SRRM4: variants seen among roughly 807,000 people sequenced by gnomAD.
The protein encoded by SRRM4 is serine/arginine repetitive matrix protein 4.
In SRRM4, 33 loss-of-function variants were observed where a neutral mutation model predicts 68.9. That is an observed-to-expected ratio of 0.48 (90% confidence interval 0.36 to 0.64). The LOEUF (loss-of-function observed/expected upper bound fraction) is 0.64. Ranked by LOEUF, SRRM4 falls within the 30% of genes least tolerant of loss-of-function variation. SRRM4 has a pLI of 0.00. For missense variants in SRRM4, 817 were observed against 827.1 expected, an observed-to-expected ratio of 0.99 and a Z score of 0.15; for synonymous variants, 318 against 318.8, an observed-to-expected ratio of 1.00 and a Z score of 0.03.
In SRRM4 at chr12:119,160,841, A is replaced by T. The variant is rs1032944817; in HGVS notation, c.*4043A>T. On this transcript the variant is annotated 3_prime_UTR_variant, in exon 13 of 13. Coordinates refer to ENST00000267260, the MANE Select transcript of SRRM4 (RefSeq NM_194286.4). ...AAGTAAAAACGAAAAGCAAGATTTG[A>T]TCTCCCTTCAGTTAATTAGGCAAGG... is the stretch of plus-strand genomic sequence containing the variant. The T allele has an allele frequency of 1.3e-5, 2 of 152,202 alleles. No homozygotes were observed. Among genetic ancestry groups the T allele is most frequent in the Non-Finnish European group, 2.9e-5 (2 of 68,044 alleles). 9.4% of individuals were successfully genotyped at this position (152,202 alleles called of 1,614,324 possible).
chr12:119,120,469 C>T (rs1356445423), intron 5 of SRRM4, among the ~76,000 whole-genome samples, 193 bp downstream of exon 5: 1 of 152,120 alleles, frequency 6.6e-6, no homozygotes, highest in African/African-American at 2.4e-5. Context: ...TTTTGACTTC[C>T]ATCAGGCCAG....
intron 1 of SRRM4, among the ~76,000 whole-genome samples, chr12:119,087,332 A>T (rs983616411): frequency 6.6e-6 from 1 of 152,204 alleles, no homozygotes; most frequent in Non-Finnish European, 1.5e-5. Flanking sequence ...CATAAAATCC[A>T]ACCATAGAGA....
In SRRM4 at chr12:119,160,289, G is replaced by GTCTCTCTCTCTCTCTCTCTCTC. The variant is rs55907957; in HGVS notation, c.*3504_*3525dup. ...TGTCTCTCTCTCTGTCTCTCTCTCT[G>GTCTCTCTCTCTCTCTCTCTCTC]TCTCTCTCTCTCTCTCTCTCTCTCT... On this transcript the variant is annotated 3_prime_UTR_variant, in exon 13 of 13. Transcript: ENST00000267260. The GTCTCTCTCTCTCTCTCTCTCTC allele has an allele frequency of 7.0e-6, 1 of 143,158 alleles. No individual in the cohort carries two copies. The highest frequency in any genetic ancestry group is 1.5e-5 in the Non-Finnish European group (1 of 65,334). 8.9% of individuals were successfully genotyped at this position (143,158 alleles called of 1,614,324 possible). A position where few individuals can be genotyped will look rare whatever the true frequency, so the allele number is the denominator to read the frequency against.
At chr12:119,082,406 G>C (rs910749804) in intron 1 of SRRM4, among the ~76,000 whole-genome samples, 7 of 152,196 alleles carry the variant, frequency 4.6e-5, no homozygotes, top group African/African-American at 1.7e-4. Context: ...AGGGGCTTTG[G>C]CAGAAAACCT....
intron 1 of SRRM4, among the ~76,000 whole-genome samples, chr12:119,021,544 T>C (rs1802998756): frequency 6.6e-6 from 1 of 152,188 alleles, no homozygotes; most frequent in South Asian, 2.1e-4. Flanking sequence ...GTGCACCAAC[T>C]ACCCCCAGTG....
intron 1 of SRRM4, among the ~76,000 whole-genome samples, chr12:119,043,283 G>A (rs184821141): frequency 1.3e-3 from 192 of 152,170 alleles, no homozygotes; most frequent in Non-Finnish European, 2.0e-3. Flanking sequence ...GCAAACTCAC[G>A]CAAGAACAGA....
At chr12:119,114,660 C>CT (rs68020424) in intron 3 of SRRM4, among the ~76,000 whole-genome samples, 6,591 of 101,330 alleles carry the variant, frequency 0.065, 539 homozygotes, top group East Asian at 0.22. Context: ...GAAGCATAGT[C>CT]TTTTTTTTTT....
intron 1 of SRRM4, among the ~76,000 whole-genome samples, chr12:119,038,543 G>C (rs994473548): frequency 1.3e-5 from 2 of 152,164 alleles, no homozygotes; most frequent in Non-Finnish European, 2.9e-5. Flanking sequence ...ATTTCTAGGT[G>C]TTTGTCTTTT....
intron 1 of SRRM4, among the ~76,000 whole-genome samples, chr12:119,025,734 G>C (rs375621998): frequency 3.3e-5 from 5 of 152,058 alleles, no homozygotes; most frequent in Admixed American, 6.5e-5. Context: ...ATGAGCCACT[G>C]TGCCGGTCTC....
At chr12:119,048,371 A>G (rs1036038655) in intron 1 of SRRM4, among the ~76,000 whole-genome samples, 3 of 152,162 alleles carry the variant, frequency 2.0e-5, no homozygotes, top group Non-Finnish European at 4.4e-5. Context: ...AATCATCAAG[A>G]CATATTTAGC....
chr12:119,001,150 G>A (rs548352448), intron 1 of SRRM4: 24 of 152,364 alleles, frequency 1.6e-4, no homozygotes, highest in Admixed American at 1.4e-3. Flanking sequence ...GGTTGAAGGA[G>A]AGCTTTGCTT....
chr12:119,103,146 A>G (rs1954087025), intron 2 of SRRM4, among the ~76,000 whole-genome samples: 1 of 152,116 alleles, frequency 6.6e-6, no homozygotes, highest in Non-Finnish European at 1.5e-5. Context: ...AGTCTGGCCC[A>G]TCTTTGGCCT....
rs55674208 is a variant in SRRM4 at position 119,001,982 on chromosome 12, CAA to C, written c.131+19987_131+19988del. 1,179 of 136,578 alleles carry C rather than the reference CAA, an allele frequency of 8.6e-3. 15 individuals are homozygous for C. The highest frequency in any genetic ancestry group is 0.018 in the African/African-American group (653 of 36,028). 8.5% of individuals were successfully genotyped at this position (136,578 alleles called of 1,614,324 possible). On this transcript the variant is annotated intron_variant, in intron 1 of 12. Transcript: ENST00000267260. Reference sequence around the variant, plus strand: ...TGGGTGACAGAGTGAAAACATGTCTCAAAAAAAAAAAAAAAAAAATCACACAA... The same window carrying C: ...TGGGTGACAGAGTGAAAACATGTCTCAAAAAAAAAAAAAAAAATCACACAA...
chr12:119,101,073 G>A (rs1276138052), intron 1 of SRRM4, among the ~76,000 whole-genome samples: 1 of 152,210 alleles, frequency 6.6e-6, no homozygotes, highest in Non-Finnish European at 1.5e-5. Context: ...GGAGCAGGGG[G>A]CTTATCAGAT....
intron 9 of SRRM4, 31 bp from the exon 10 acceptor site, chr12:119,150,986 T>C: frequency 6.2e-7 from 1 of 1,606,252 alleles, no homozygotes; most frequent in Non-Finnish European, 8.5e-7. Context: ...TAGTGGGCAG[T>C]CGGTGCTCAT....
At chr12:119,058,961 A>T (rs1048863991) in intron 1 of SRRM4, among the ~76,000 whole-genome samples, 3 of 152,160 alleles carry the variant, frequency 2.0e-5, no homozygotes, top group African/African-American at 7.2e-5. Context: ...GCAGAGCCAG[A>T]CAGAAAAAGT....
At chr12:119,153,696 T>C (rs769769459) in intron 11 of SRRM4, 47 bp downstream of exon 11, 1 of 1,387,294 alleles carries the variant, frequency 7.2e-7, no homozygotes, top group South Asian at 1.2e-5. Flanking sequence ...GCCCCACCCC[T>C]TTGCTCTGAT....
At chr12:119,033,507 T>A (rs1435788507) in intron 1 of SRRM4, among the ~76,000 whole-genome samples, 2 of 152,034 alleles carry the variant, frequency 1.3e-5, no homozygotes, top group Non-Finnish European at 2.9e-5. Flanking sequence ...CTACTAAAAA[T>A]ACAAAAATTA....
At chr12:119,018,444 A>T (rs554212769) in intron 1 of SRRM4, among the ~76,000 whole-genome samples, 2 of 152,112 alleles carry the variant, frequency 1.3e-5, no homozygotes, top group African/African-American at 4.8e-5. Context: ...TTTTAATCTC[A>T]TTAATAAAGG....
Sources: allele counts gnomAD v4.1 joint callset (sites outside exome capture counted in the v4.1 genomes callset), GRCh38; gene constraint gnomAD v4.1.1; transcripts MANE v1.5; gene names NCBI Gene and HGNC (gene_info 2026-07-23, HGNC 2026-07-21).